Variants in SH3KBP1 observed in about 807,000 individuals in gnomAD.
The protein encoded by SH3KBP1 is SH3 domain containing kinase binding protein 1.
SH3KBP1 carries 8 observed loss-of-function variants against 50.1 expected under a neutral mutation model. The ratio of observed to expected loss-of-function variants is 0.16; its 90% CI spans 0.09 to 0.29. SH3KBP1 has a LOEUF of 0.29. Ranked by LOEUF, SH3KBP1 falls within the 10% of genes least tolerant of loss-of-function variation. SH3KBP1 has a pLI of 1.00. For missense variants in SH3KBP1, 377 were observed against 535.2 expected, an observed-to-expected ratio of 0.70 and a Z score of 2.92; for synonymous variants, 227 against 218.6, an observed-to-expected ratio of 1.04 and a Z score of -0.34.
At chrX:19,764,580 T>C (rs1159033837) in intron 2 of SH3KBP1, among the ~76,000 whole-genome samples, 1 of 111,376 alleles carries the variant, frequency 9.0e-6, no homozygotes, top group Admixed American at 9.6e-5. Context: ...AGGGAAACGT[T>C]TTCTAAAAAG....
Position 19,634,371 on chromosome X carries a change from T to C in SH3KBP1, c.803-2413A>G, listed in dbSNP as rs2061653661. Among the ~76,000 whole-genome samples, 5 of 111,678 alleles carry C rather than the reference T, an allele frequency of 4.5e-5. 1 individual carries two copies. The South Asian group carries it at 1.9e-3, about 42-fold the overall frequency. On this transcript the variant is annotated intron_variant, in intron 7 of 17. Coordinates refer to ENST00000397821, the MANE Select transcript of SH3KBP1 (RefSeq NM_031892.3). ...AATTTGATGAGTTTTAATAAATTTA[T>C]ACAGTTGTGTAACCATCACCATAAT...
At chrX:19,593,081 A>G (rs748761592) in intron 10 of SH3KBP1, among the ~76,000 whole-genome samples, 1 of 112,229 alleles carries the variant, frequency 8.9e-6, no homozygotes, top group African/African-American at 3.2e-5. Flanking sequence ...ACCACTTAGC[A>G]CTTAGCCTTT....
intron 13 of SH3KBP1, among the ~76,000 whole-genome samples, chrX:19,554,171 TATC>T (rs1414150690): frequency 1.3e-5 from 1 of 79,047 alleles, no homozygotes; most frequent in Non-Finnish European, 2.2e-5. Context: ...ATATAATATA[TATC>T]ATATTAAAAT....
intron 3 of SH3KBP1, among the ~76,000 whole-genome samples, chrX:19,712,892 G>A (rs1334702913): frequency 9.0e-6 from 1 of 111,390 alleles, no homozygotes; most frequent in Non-Finnish European, 1.9e-5. Flanking sequence ...CAACCACGAG[G>A]AAACAATCAT....
intron 6 of SH3KBP1, among the ~76,000 whole-genome samples, chrX:19,666,202 A>G (rs776518565): frequency 3.6e-5 from 4 of 111,333 alleles, no homozygotes; most frequent in African/African-American, 1.3e-4. Flanking sequence ...AAAAAAATCA[A>G]TCACAAAACT....
chrX:19,861,022 A>G (rs772256489), intron 1 of SH3KBP1, among the ~76,000 whole-genome samples: 1 of 111,628 alleles, frequency 9.0e-6, no homozygotes, highest in Non-Finnish European at 1.9e-5. Context: ...ATATATGGAA[A>G]CTATACCATT....
chrX:19,641,398 T>G (rs2061852844), intron 7 of SH3KBP1, among the ~76,000 whole-genome samples: 1 of 112,781 alleles, frequency 8.9e-6, no homozygotes, highest in South Asian at 3.6e-4. Flanking sequence ...AGGATGTTCC[T>G]TACCATTGTA....
intron 1 of SH3KBP1, among the ~76,000 whole-genome samples, chrX:19,880,539 TTAAAAA>T (rs1469764420): frequency 8.9e-6 from 1 of 111,874 alleles, no homozygotes; most frequent in Non-Finnish European, 1.9e-5. Flanking sequence ...CCCACAAAAA[TTAAAAA>T]TAAAAAATGT....
At chrX:19,628,323 A>G (rs1465834938) in intron 8 of SH3KBP1, among the ~76,000 whole-genome samples, 3 of 111,427 alleles carry the variant, frequency 2.7e-5, no homozygotes, top group Non-Finnish European at 3.8e-5. Context: ...TTGGGTGACA[A>G]TTCCTAGAAT....
intron 5 of SH3KBP1, among the ~76,000 whole-genome samples, chrX:19,694,792 A>T (rs2063376039): frequency 1.8e-5 from 2 of 112,003 alleles, no homozygotes; most frequent in South Asian, 7.4e-4. Context: ...CAAATGAAAA[A>T]GGAAGACATT....
At chrX:19,582,952 C>A (rs2066422063) in intron 12 of SH3KBP1, among the ~76,000 whole-genome samples, 2 of 110,131 alleles carry the variant, frequency 1.8e-5, no homozygotes, top group Admixed American at 9.7e-5. Flanking sequence ...ACCTGCCCTG[C>A]CCCTCAGGTT....
At chrX:19,871,758 T>A (rs2069048026) in intron 1 of SH3KBP1, among the ~76,000 whole-genome samples, 1 of 110,889 alleles carries the variant, frequency 9.0e-6, no homozygotes, top group African/African-American at 3.3e-5. Context: ...GAGCACAATT[T>A]TTTCAGAGGA....
At chrX:19,665,981 A>T (rs1450210967) in intron 6 of SH3KBP1, among the ~76,000 whole-genome samples, 1 of 111,655 alleles carries the variant, frequency 9.0e-6, no homozygotes, top group Non-Finnish European at 1.9e-5. Context: ...GCATCTGCAT[A>T]CTTCAGGATA....
At chrX:19,816,967 C>A (rs2067376722) in intron 2 of SH3KBP1, among the ~76,000 whole-genome samples, 1 of 111,453 alleles carries the variant, frequency 9.0e-6, no homozygotes, top group Admixed American at 9.5e-5. Flanking sequence ...AGATTTAGGC[C>A]GAGTTTCACT....
intron 3 of SH3KBP1, among the ~76,000 whole-genome samples, chrX:19,738,456 G>A (rs1357463848): frequency 1.8e-5 from 2 of 110,022 alleles, no homozygotes; most frequent in Admixed American, 9.7e-5. Flanking sequence ...TCATACAAAC[G>A]TGGGCACACT....
intron 2 of SH3KBP1, among the ~76,000 whole-genome samples, chrX:19,793,203 T>G (rs1383856970): frequency 9.3e-6 from 1 of 107,817 alleles, no homozygotes; most frequent in Non-Finnish European, 1.9e-5. Flanking sequence ...GAGGCTGAGG[T>G]GGGAGGATTG....
At chrX:19,787,691 G>T (rs776613478) in intron 2 of SH3KBP1, among the ~76,000 whole-genome samples, 1 of 111,652 alleles carries the variant, frequency 9.0e-6, no homozygotes, top group South Asian at 3.8e-4. Context: ...GGGTGGAGAG[G>T]AGTTCTCTCA....
chrX:19,682,526 G>T (rs1157223361), intron 6 of SH3KBP1, among the ~76,000 whole-genome samples: 1 of 110,815 alleles, frequency 9.0e-6, no homozygotes, highest in African/African-American at 3.3e-5. Context: ...TCCAAGATGG[G>T]GACTTGCTCT....
intron 13 of SH3KBP1, among the ~76,000 whole-genome samples, chrX:19,564,716 C>A (rs1281998683): frequency 8.9e-6 from 1 of 111,971 alleles, no homozygotes; most frequent in East Asian, 2.8e-4. Flanking sequence ...ACAGGCCACT[C>A]CAGGGAACAC....
Sources: gnomAD v4.1 joint callset for allele counts (sites outside exome capture counted in the v4.1 genomes callset) on GRCh38, gnomAD v4.1.1 for gene constraint, MANE v1.5 for transcripts, NCBI Gene and HGNC (gene_info 2026-07-23, HGNC 2026-07-21) for gene names.